Variants in RFC1 observed in about 807,000 individuals in gnomAD.
RFC1 encodes A1 140 kDa subunit.
In RFC1, 37 loss-of-function variants were observed where a neutral mutation model predicts 137.4. That is an observed-to-expected ratio of 0.27 (90% CI 0.21 to 0.35). The LOEUF (loss-of-function observed/expected upper bound fraction) is 0.35. Among genes scored for constraint, RFC1 ranks in the 10% least tolerant of loss-of-function variants. The pLI, the probability that RFC1 is intolerant of heterozygous loss-of-function variation, is 1.00. For missense variants in RFC1, 1,205 were observed against 1,358.5 expected (o/e 0.89, Z 1.78); for synonymous variants, 429 against 455.7 (o/e 0.94, Z 0.75).
chr4:39,319,365 C>T (rs550240878), intron 9 of RFC1, among the ~76,000 whole-genome samples: 1 of 152,292 alleles, frequency 6.6e-6, no homozygotes, highest in South Asian at 2.1e-4. Flanking sequence ...CTGCCACTTA[C>T]CAGGTGGATG....
At chr4:39,365,614 G>A in intron 1 of RFC1, 1 of 338,958 alleles carries the variant, frequency 3.0e-6, no homozygotes. Context: ...TCTTGCATCT[G>A]TTTCTATTCG....
At position 39,291,659 on chromosome 4, in the gene RFC1, A is replaced by C. The variant is rs764520516; in HGVS notation, c.3148T>G (p.Phe1050Val). The C allele has an allele frequency of 6.2e-6, 10 of 1,613,288 alleles. No homozygotes were observed. The highest frequency in any genetic ancestry group is 8.5e-6 in the Non-Finnish European group (10 of 1,179,212). ...TTTACCTTGGGATCCAGCTTTGAAA[A>C]GGGACTAGGTTTGCCACCCCAGCTG... Reference protein sequence around the residue: ...ISSWGGKPSPFSKLDPKVKAA... With the variant: ...ISSWGGKPSPVSKLDPKVKAA... Residue 1050 changes from phenylalanine (F) to valine (V), a missense_variant, in exon 23 of 25, where the codon TTT (phenylalanine) becomes GTT (valine). This residue lies in a region of RFC1 where 237 missense variants were observed against 304.2 expected (regional missense o/e 0.78). Transcript: ENST00000349703.
intron 2 of RFC1, among the ~76,000 whole-genome samples, chr4:39,346,243 G>A (rs1740851376): frequency 6.6e-6 from 1 of 152,150 alleles, no homozygotes; most frequent in South Asian, 2.1e-4. Context: ...TTGGGAGGCC[G>A]AGGCGGGCAG....
At chr4:39,362,329 G>A (rs1004200441) in intron 1 of RFC1, among the ~76,000 whole-genome samples, 3 of 152,132 alleles carry the variant, frequency 2.0e-5, no homozygotes, top group Non-Finnish European at 4.4e-5. Flanking sequence ...CAAGGAAATG[G>A]AATAGCCAAG....
intron 1 of RFC1, among the ~76,000 whole-genome samples, chr4:39,359,430 GA>G (rs1480775546): frequency 6.6e-6 from 1 of 152,192 alleles, no homozygotes; most frequent in Non-Finnish European, 1.5e-5. Flanking sequence ...GATGGGACTG[GA>G]AACTATTATT....
At chr4:39,345,048 G>A (rs1740779369) in intron 3 of RFC1, among the ~76,000 whole-genome samples, 1 of 152,116 alleles carries the variant, frequency 6.6e-6, no homozygotes, top group African/African-American at 2.4e-5. Context: ...TTGAGACAAA[G>A]TCTCACTACC....
rs2109666476 is a variant in RFC1, at chr4:39,320,395, T to G, written c.1083A>C (p.Pro361=). 6.6e-7 allele frequency: 1 copy of G among 1,519,328 alleles called. No homozygotes were observed. Among genetic ancestry groups the G allele is most frequent in the South Asian group, 1.2e-5 (1 of 80,468 alleles). 94.1% of individuals were successfully genotyped at this position (1,519,328 alleles called of 1,614,324 possible). Residue 361 remains proline (P), a synonymous_variant, in exon 9 of 25, where the codon CCA becomes CCC. Transcript: ENST00000349703. ...ACAAAGTTCTTACCTCTTTTTTAGC[T>G]GGAGAACTTTTGGTTTTCTTAGGAG... ...TKTPKKTKSS[P]AKKESVSPED... is the part of the protein sequence containing the mutation.
chr4:39,329,161 G>C (rs1406948329), intron 4 of RFC1, among the ~76,000 whole-genome samples: 1 of 58,014 alleles, frequency 1.7e-5, no homozygotes, highest in African/African-American at 6.7e-5. Context: ...AAAGCTTTTC[G>C]ATTTGGCCTA....
chr4:39,287,950 A>T lies in RFC1; in HGVS notation c.*811T>A, dbSNP rs769592597. ...ATAAGAATGTCTGAGAATCTTCTGC[A>T]GCCCCCCACGCTGCAAAGCCCCATA... On this transcript the variant is annotated 3_prime_UTR_variant, in exon 25 of 25. Coordinates refer to ENST00000349703, the MANE Select transcript of RFC1 (RefSeq NM_002913.5). 1 of 152,246 alleles carries T rather than the reference A, an allele frequency of 6.6e-6. No homozygotes were observed. The highest frequency in any genetic ancestry group is 2.4e-5 in the African/African-American group (1 of 41,454). The allele number at this position is 152,246 out of a possible 1,614,324, so 9.4% of individuals were successfully genotyped here.
At chr4:39,351,092 A>T (rs1198341395) in intron 2 of RFC1, among the ~76,000 whole-genome samples, 44 of 151,816 alleles carry the variant, frequency 2.9e-4, no homozygotes, top group Non-Finnish European at 1.0e-4. Flanking sequence ...CTACTAAAAA[A>T]TAGAAAAAAT....
At chr4:39,341,163 C>A (rs1740586645) in intron 4 of RFC1, among the ~76,000 whole-genome samples, 1 of 152,204 alleles carries the variant, frequency 6.6e-6, no homozygotes, top group African/African-American at 2.4e-5. Flanking sequence ...CAGCCCTGAT[C>A]CACAGTTGAA....
chr4:39,351,484 C>CA lies in RFC1; in HGVS notation c.4-9dup. 1 of 1,533,872 alleles carries CA rather than the reference C, an allele frequency of 6.5e-7. No homozygotes were observed. The highest frequency in any genetic ancestry group is 2.4e-5 in the East Asian group (1 of 42,208). On this transcript the variant is annotated splice_polypyrimidine_tract_variant and intron_variant, in intron 1 of 24. Transcript: ENST00000349703. Reference sequence around the variant, plus strand: ...AAAGAATTTCCGAATGTCCTAAAAGCAAAAAACAGGAGATTCACGAATAAA... The same window carrying CA: ...AAAGAATTTCCGAATGTCCTAAAAGCAAAAAAACAGGAGATTCACGAATAAA...
At chr4:39,306,343 G>A (rs1435875244) in intron 14 of RFC1, among the ~76,000 whole-genome samples, 1 of 152,164 alleles carries the variant, frequency 6.6e-6, no homozygotes, top group Non-Finnish European at 1.5e-5. Flanking sequence ...CACGTGCTTA[G>A]TACACTGCCT....
chr4:39,356,386 C>CAAA (rs1741482437), intron 1 of RFC1, among the ~76,000 whole-genome samples: 1 of 152,096 alleles, frequency 6.6e-6, no homozygotes, highest in Non-Finnish European at 1.5e-5. Flanking sequence ...GGAAAAAGTG[C>CAAA]AAAACTCCGT....
At position 39,326,590 on chromosome 4, in the gene RFC1, C is replaced by T. The variant is rs767968676; in HGVS notation, c.615G>A (p.Lys205=). 4.3e-6 allele frequency: 7 copies of T among 1,612,986 alleles called. No individual in the cohort carries two copies. Among genetic ancestry groups the T allele is most frequent in the African/African-American group, 4.0e-5 (3 of 74,890 alleles). ...ESGLNDEAIA[K]QLQLDEDAEL... is the part of the protein sequence containing the mutation. ...CCGCATCTTCATCAAGCTGTAATTG[C>T]TTGGCGATGGCTTCATCATTTAATC... The change falls in exon 6 of 25, where the codon AAG becomes AAA. Residue 205 remains lysine, a synonymous_variant. Coordinates refer to ENST00000349703, the MANE Select transcript of RFC1 (RefSeq NM_002913.5).
chr4:39,308,886 T>G lies in RFC1; in HGVS notation c.1635A>C (p.Glu545Asp). 1 of 1,614,212 alleles carries G rather than the reference T, an allele frequency of 6.2e-7. No individual in the cohort carries two copies. Among genetic ancestry groups the G allele is most frequent in the Non-Finnish European group, 8.5e-7 (1 of 1,180,042 alleles). Reference sequence around the variant, plus strand: ...CCAGGCTTTTCCAAAACACATCTGTTTCCTTTTTTATTGTCTTTGCCAAAC... The same window carrying G: ...CCAGGCTTTTCCAAAACACATCTGTGTCCTTTTTTATTGTCTTTGCCAAAC... ...RDSLAKTIKK[E>D]TDVFWKSLDF... Residue 545 changes from glutamate (E) to aspartate (D), a missense_variant, in exon 13 of 25, where the codon GAA becomes GAC. Glu to Asp is a conservative substitution (Grantham distance 45, BLOSUM62 2). This residue lies in a region of RFC1 where 962 missense variants were observed against 1,035.3 expected (regional missense o/e 0.93). Coordinates refer to ENST00000349703, the MANE Select transcript of RFC1 (RefSeq NM_002913.5).
At chr4:39,312,636 G>T (rs1285607367) in intron 11 of RFC1, 116 bp downstream of exon 11, 6 of 993,640 alleles carry the variant, frequency 6.0e-6, no homozygotes, top group Non-Finnish European at 5.6e-6. Context: ...ATGTAGGCAA[G>T]AAATTACTTT....
At chr4:39,336,840 G>A (rs909027756) in intron 4 of RFC1, among the ~76,000 whole-genome samples, 2 of 152,208 alleles carry the variant, frequency 1.3e-5, no homozygotes, top group African/African-American at 4.8e-5. Flanking sequence ...AAACTAAACA[G>A]CTATATCCAG....
intron 4 of RFC1, among the ~76,000 whole-genome samples, chr4:39,330,204 C>T (rs1740029273): frequency 6.6e-6 from 1 of 152,024 alleles, no homozygotes. Context: ...GGCCTTACGT[C>T]CCAGGCACTG....
Sources: allele counts gnomAD v4.1 joint callset (sites outside exome capture counted in the v4.1 genomes callset), GRCh38; gene constraint gnomAD v4.1.1; regional missense constraint gnomAD v4.1.1; transcripts MANE v1.5; gene names NCBI Gene and HGNC (gene_info 2026-07-23, HGNC 2026-07-21).